ERBB4: variants seen among roughly 807,000 people sequenced by gnomAD.
ERBB4 encodes the protein receptor tyrosine-protein kinase erbB-4.
ERBB4 carries 42 observed loss-of-function variants against 158.0 expected under a neutral mutation model. That is an observed-to-expected ratio of 0.27 (90% CI 0.21 to 0.34). The LOEUF (loss-of-function observed/expected upper bound fraction) is 0.34, where lower values mean the gene tolerates loss of function less well. Among genes scored for constraint, ERBB4 ranks in the 10% least tolerant of loss-of-function variants. ERBB4 has a pLI of 1.00. For missense variants in ERBB4, 1,333 were observed against 1,624.1 expected, an observed-to-expected ratio of 0.82 and a Z score of 3.08; for synonymous variants, 583 against 558.7, an observed-to-expected ratio of 1.04 and a Z score of -0.61.
At chr2:211,922,874 A>G (rs1451320583) in intron 3 of ERBB4, among the ~76,000 whole-genome samples, 2 of 152,134 alleles carry the variant, frequency 1.3e-5, no homozygotes, top group African/African-American at 2.4e-5. Flanking sequence ...TATGCAAGGT[A>G]TATTCTGTTT....
At chr2:211,803,301 A>G (rs2076541498) in intron 3 of ERBB4, among the ~76,000 whole-genome samples, 2 of 152,190 alleles carry the variant, frequency 1.3e-5, no homozygotes, top group African/African-American at 4.8e-5. Flanking sequence ...AAATGGGGGG[A>G]AATATAACAC....
At chr2:211,598,148 C>A (rs571148349) in intron 19 of ERBB4, among the ~76,000 whole-genome samples, 2 of 152,056 alleles carry the variant, frequency 1.3e-5, no homozygotes, top group Admixed American at 6.6e-5. Context: ...CTTTAGACCA[C>A]GCATCTCTCC....
chr2:211,582,082 G>A lies in ERBB4; in HGVS notation c.2302-19994C>T, dbSNP rs181450321. ...GCTGTGTTTGCACATATCTTCTGGT[G>A]ACTACAGGCATGACAATTACTCTTT... On this transcript the variant is annotated intron_variant, in intron 19 of 27. Coordinates refer to ENST00000342788, the MANE Select transcript of ERBB4 (RefSeq NM_005235.3). 2.3e-4 allele frequency among the ~76,000 whole-genome samples: 35 copies of A among 152,136 alleles called. No homozygotes were observed. In the East Asian group the frequency reaches 6.2e-3, roughly 27 times the overall value.
At chr2:212,250,980 A>G (rs149021551) in intron 1 of ERBB4, among the ~76,000 whole-genome samples, 3 of 152,112 alleles carry the variant, frequency 2.0e-5, no homozygotes, top group Admixed American at 6.6e-5. Flanking sequence ...AACAAGGGGA[A>G]GTTTTAAAAC....
At chr2:212,536,615 A>T (rs2106358726) in intron 1 of ERBB4, among the ~76,000 whole-genome samples, 1 of 152,304 alleles carries the variant, frequency 6.6e-6, no homozygotes, top group South Asian at 2.1e-4. Context: ...GGCGCGAGCT[A>T]GTGTCGCCTG....
chr2:211,654,911 G>A (rs557930079), intron 16 of ERBB4, among the ~76,000 whole-genome samples: 2 of 152,258 alleles, frequency 1.3e-5, no homozygotes, highest in East Asian at 3.9e-4. Flanking sequence ...TGAATTAGGT[G>A]TTTTAGTCTG....
At chr2:212,268,350 G>C (rs1377895008) in intron 1 of ERBB4, among the ~76,000 whole-genome samples, 9 of 151,808 alleles carry the variant, frequency 5.9e-5, no homozygotes, top group Non-Finnish European at 1.3e-4. Flanking sequence ...AGATCTTAGT[G>C]GGAACAAAAT....
chr2:211,540,764 T>C (rs769178230), intron 20 of ERBB4, among the ~76,000 whole-genome samples: 1 of 151,818 alleles, frequency 6.6e-6, no homozygotes, highest in African/African-American at 2.4e-5. Context: ...ATTAAGCAGC[T>C]CTCTAATGGT....
chr2:212,137,064 A>G (rs1280757863), intron 1 of ERBB4, among the ~76,000 whole-genome samples: 1 of 152,168 alleles, frequency 6.6e-6, no homozygotes, highest in African/African-American at 2.4e-5. Context: ...TCTAGAAACT[A>G]GATTCTATAA....
At chr2:212,526,980 A>G (rs1214661129) in intron 1 of ERBB4, among the ~76,000 whole-genome samples, 3 of 152,080 alleles carry the variant, frequency 2.0e-5, no homozygotes, top group Admixed American at 2.0e-4. Context: ...CCTGAGGGTA[A>G]AAGTCAAAAG....
intron 20 of ERBB4, among the ~76,000 whole-genome samples, chr2:211,433,364 G>C (rs996985620): frequency 1.3e-5 from 2 of 151,896 alleles, no homozygotes; most frequent in African/African-American, 2.4e-5. Flanking sequence ...GGTGGATCAC[G>C]AGGTCAGGAG....
chr2:212,460,728 T>A, intron 1 of ERBB4, among the ~76,000 whole-genome samples: 1 of 152,186 alleles, frequency 6.6e-6, no homozygotes, highest in Non-Finnish European at 1.5e-5. Context: ...AATTTCCAAC[T>A]GGACAATGCC....
chr2:212,252,180 G>A (rs2084561769), intron 1 of ERBB4, among the ~76,000 whole-genome samples: 1 of 152,012 alleles, frequency 6.6e-6, no homozygotes, highest in South Asian at 2.1e-4. Context: ...ATAAATTTGA[G>A]GGGTCATTTA....
intron 1 of ERBB4, among the ~76,000 whole-genome samples, chr2:212,454,197 C>A (rs1688158565): frequency 6.6e-6 from 1 of 152,122 alleles, no homozygotes; most frequent in Admixed American, 6.5e-5. Flanking sequence ...CCTCGGCCTC[C>A]CAAAGTGTTG....
intron 20 of ERBB4, among the ~76,000 whole-genome samples, chr2:211,471,132 C>G (rs1272256971): frequency 6.6e-6 from 1 of 151,910 alleles, no homozygotes; most frequent in Non-Finnish European, 1.5e-5. Flanking sequence ...ATAAGACTAC[C>G]ATATGAAGAG....
chr2:211,624,695 A>C (rs576235161), intron 17 of ERBB4, among the ~76,000 whole-genome samples: 1 of 152,340 alleles, frequency 6.6e-6, no homozygotes, highest in Non-Finnish European at 1.5e-5. Flanking sequence ...CAAGGCATCA[A>C]ACAACTACTG....
intron 1 of ERBB4, among the ~76,000 whole-genome samples, chr2:212,155,752 CTGTG>C (rs2125637153): frequency 6.6e-6 from 1 of 152,142 alleles, no homozygotes; most frequent in South Asian, 2.1e-4. Flanking sequence ...TTTTAGATAT[CTGTG>C]TGTCATCAAT....
At chr2:212,155,776 C>G (rs2081017861) in intron 1 of ERBB4, among the ~76,000 whole-genome samples, 1 of 152,016 alleles carries the variant, frequency 6.6e-6, no homozygotes. Flanking sequence ...TAAATAATCA[C>G]AGATATTTTC....
intron 1 of ERBB4, among the ~76,000 whole-genome samples, chr2:212,205,253 T>TGGGATCAAGTGAGCCTCCC (rs1188791065): frequency 6.6e-6 from 1 of 151,794 alleles, no homozygotes; most frequent in East Asian, 1.9e-4. Flanking sequence ...CTCTGCCTCC[T>TGGGATCAAGTGAGCCTCCC]GGGTTCAAGT....
Sources: allele counts gnomAD v4.1 joint callset (sites outside exome capture counted in the v4.1 genomes callset), GRCh38; gene constraint gnomAD v4.1.1; transcripts MANE v1.5; gene names NCBI Gene and HGNC (gene_info 2026-07-23, HGNC 2026-07-21).